The following ST18 variants were observed in gnomAD, a reference collection of about 807,000 sequenced individuals.
ST18 encodes ST18 C2H2C-type zinc finger transcription factor.
Under a neutral mutation model 110.0 loss-of-function variants are expected in ST18, and 50 were observed. That is an observed-to-expected ratio of 0.45 (90% CI 0.36 to 0.58). The LOEUF is 0.58. Ranked by LOEUF, ST18 falls within the 20% of genes least tolerant of loss-of-function variation. ST18 has a pLI of 0.00. For missense variants in ST18, 1,306 were observed against 1,280.1 expected (o/e 1.02, Z -0.31); for synonymous variants, 461 against 452.4 (o/e 1.02, Z -0.24).
At chr8:52,159,494 GCATATATGTGAGGA>G (rs1164536264) in intron 14 of ST18, among the ~76,000 whole-genome samples, 1 of 152,130 alleles carries the variant, frequency 6.6e-6, no homozygotes, top group African/African-American at 2.4e-5. Context: ...TTGGAAAACT[GCATATATGTGAGGA>G]CCGGTGATTC....
At chr8:52,249,875 T>C (rs1218141217) in intron 2 of ST18, among the ~76,000 whole-genome samples, 1 of 152,090 alleles carries the variant, frequency 6.6e-6, no homozygotes. Flanking sequence ...GGAGCCCAGA[T>C]TTGAAATTTA....
intron 2 of ST18, among the ~76,000 whole-genome samples, chr8:52,311,714 T>C (rs1293638470): frequency 6.6e-6 from 1 of 152,136 alleles, no homozygotes; most frequent in Non-Finnish European, 1.5e-5. Flanking sequence ...GTCAAACATA[T>C]ATAAAACCAT....
chr8:52,384,639 C>G (rs960516762), intron 2 of ST18, among the ~76,000 whole-genome samples: 1 of 152,216 alleles, frequency 6.6e-6, no homozygotes, highest in Non-Finnish European at 1.5e-5. Flanking sequence ...ACACCTCCCC[C>G]GCCCTCCTAA....
At chr8:52,325,282 T>A (rs1021398548) in intron 2 of ST18, among the ~76,000 whole-genome samples, 2 of 152,146 alleles carry the variant, frequency 1.3e-5, no homozygotes, top group Admixed American at 6.5e-5. Flanking sequence ...TAGCTCCAAG[T>A]CTGGGTACCT....
intron 2 of ST18, among the ~76,000 whole-genome samples, chr8:52,351,014 C>T (rs1820085234): frequency 1.3e-5 from 2 of 152,160 alleles, no homozygotes; most frequent in Non-Finnish European, 2.9e-5. Flanking sequence ...GCCACCGTGC[C>T]TGGCCGTCTT....
At chr8:52,122,943 A>G (rs1016883034) in intron 23 of ST18, among the ~76,000 whole-genome samples, 1 of 152,060 alleles carries the variant, frequency 6.6e-6, no homozygotes, top group Non-Finnish European at 1.5e-5. Context: ...TTTAGGACAC[A>G]CTATTTTGTC....
At chr8:52,243,469 C>G (rs771748235) in intron 2 of ST18, among the ~76,000 whole-genome samples, 20 of 152,126 alleles carry the variant, frequency 1.3e-4, no homozygotes, top group Non-Finnish European at 2.2e-4. Context: ...CCTCTCTATT[C>G]TGTTCCCAGA....
chr8:52,189,543 C>A (rs1190057761), intron 8 of ST18, among the ~76,000 whole-genome samples: 1 of 152,182 alleles, frequency 6.6e-6, no homozygotes, highest in Non-Finnish European at 1.5e-5. Context: ...TGAAGCAGTT[C>A]TTAAACTCAG....
rs367711949 is a variant in ST18 at position 52,265,705 on chromosome 8, C to T, written c.-464-35628G>A. Among the ~76,000 whole-genome samples, 19 of 152,164 alleles carry T rather than the reference C, an allele frequency of 1.2e-4. No homozygotes were observed. In the East Asian group the frequency reaches 3.1e-3, roughly 25 times the overall value. On this transcript the variant is annotated intron_variant, in intron 2 of 25. Coordinates refer to ENST00000689386, the MANE Select transcript of ST18 (RefSeq NM_001352837.2). ...GTCAAAGGGAAACTGAAAGAAATGT[C>T]CTGGTGGGTTAGGAAAATAGAGTTA...
intron 8 of ST18, among the ~76,000 whole-genome samples, chr8:52,188,270 C>T (rs2073145678): frequency 1.3e-5 from 2 of 152,116 alleles, no homozygotes; most frequent in Admixed American, 1.3e-4. Flanking sequence ...AGTTTGAGAT[C>T]ATGTGGTCAG....
At chr8:52,122,264 C>G (rs1450520173) in intron 23 of ST18, among the ~76,000 whole-genome samples, 1 of 152,038 alleles carries the variant, frequency 6.6e-6, no homozygotes, top group Non-Finnish European at 1.5e-5. Flanking sequence ...TGGTACTAAT[C>G]TGTGCCTAAT....
intron 2 of ST18, among the ~76,000 whole-genome samples, chr8:52,298,146 G>A (rs1293483658): frequency 1.3e-5 from 2 of 152,178 alleles, no homozygotes; most frequent in African/African-American, 2.4e-5. Context: ...ACCCTATGAG[G>A]CATTTTAGGG....
At chr8:52,380,875 C>A (rs1157493070) in intron 2 of ST18, among the ~76,000 whole-genome samples, 1 of 152,166 alleles carries the variant, frequency 6.6e-6, no homozygotes, top group East Asian at 1.9e-4. Context: ...GTAACGTAAG[C>A]TGCACTGAGT....
intron 19 of ST18, 120 bp from the exon 20 acceptor site, chr8:52,133,421 G>C (rs916880589): frequency 2.6e-6 from 3 of 1,175,742 alleles, no homozygotes; most frequent in Admixed American, 3.8e-5. Context: ...TGTAGTTCAC[G>C]TGGAGGGAGG....
intron 2 of ST18, among the ~76,000 whole-genome samples, chr8:52,285,684 A>G (rs899700297): frequency 6.6e-6 from 1 of 152,212 alleles, no homozygotes; most frequent in Admixed American, 6.5e-5. Flanking sequence ...GTGACCTGAA[A>G]TGATGGACAC....
chr8:52,330,820 C>T (rs769432538), intron 2 of ST18, among the ~76,000 whole-genome samples: 14 of 152,174 alleles, frequency 9.2e-5, no homozygotes, highest in Non-Finnish European at 2.1e-4. Flanking sequence ...TCCTTGCTGC[C>T]TCTATAAACC....
At chr8:52,165,576 C>T (rs2062710389) in intron 11 of ST18, among the ~76,000 whole-genome samples, 1 of 152,210 alleles carries the variant, frequency 6.6e-6, no homozygotes, top group African/African-American at 2.4e-5. Context: ...ATAGTTCTTT[C>T]TATCTTTTCC....
chr8:52,286,985 A>G (rs546161443), intron 2 of ST18, among the ~76,000 whole-genome samples: 1 of 152,294 alleles, frequency 6.6e-6, no homozygotes, highest in Non-Finnish European at 1.5e-5. Context: ...ACTGGTCTAA[A>G]GAAAATAAAA....
At chr8:52,113,454 A>C in intron 25 of ST18, 116 bp from the exon 26 acceptor site, 2 of 1,182,158 alleles carry the variant, frequency 1.7e-6, no homozygotes, top group Non-Finnish European at 1.2e-6. Context: ...GCAAGGGTGC[A>C]TATGACTGCT....
Sources: gnomAD v4.1 joint callset for allele counts (sites outside exome capture counted in the v4.1 genomes callset) on GRCh38, gnomAD v4.1.1 for gene constraint, MANE v1.5 for transcripts, NCBI Gene and HGNC (gene_info 2026-07-23, HGNC 2026-07-21) for gene names.